TENT5D: variants seen among roughly 807,000 people sequenced by gnomAD.
The protein encoded by TENT5D is terminal nucleotidyltransferase 5D.
For synonymous variants in TENT5D, 103 were observed against 100.6 expected (o/e 1.02, Z -0.15); for missense variants, 191 against 287.0 (o/e 0.67, Z 2.42).
intron 3 of TENT5D, among the ~76,000 whole-genome samples, chrX:80,357,077 C>A (rs917451285): frequency 1.8e-5 from 2 of 111,505 alleles, no homozygotes; most frequent in Non-Finnish European, 3.8e-5. Context: ...CATGTCCCTA[C>A]AAAGGACATG....
At chrX:80,420,907 A>G (rs909678323) in intron 1 of TENT5D, among the ~76,000 whole-genome samples, 2 of 112,191 alleles carry the variant, frequency 1.8e-5, no homozygotes, top group African/African-American at 6.5e-5. Flanking sequence ...CCTACGTCCT[A>G]CATTAATTGA....
chrX:80,374,395 T>C (rs2147527891), intron 3 of TENT5D, among the ~76,000 whole-genome samples: 1 of 111,572 alleles, frequency 9.0e-6, no homozygotes, highest in African/African-American at 3.3e-5. Context: ...AGTTGTGTTC[T>C]TAGGTTTTTG....
chrX:80,402,827 T>G (rs1178724402), intron 3 of TENT5D, among the ~76,000 whole-genome samples: 1 of 112,248 alleles, frequency 8.9e-6, no homozygotes, highest in Non-Finnish European at 1.9e-5. Context: ...TAGAATATTA[T>G]GTGTGTACTT....
At chrX:80,388,388 A>T (rs1368196769) in intron 3 of TENT5D, among the ~76,000 whole-genome samples, 1 of 112,069 alleles carries the variant, frequency 8.9e-6, no homozygotes, top group African/African-American at 3.2e-5. Flanking sequence ...CGCAAGGCCC[A>T]TGATGTGTAC....
intron 3 of TENT5D, among the ~76,000 whole-genome samples, chrX:80,405,714 C>G (rs1931474823): frequency 8.9e-6 from 1 of 112,250 alleles, no homozygotes; most frequent in South Asian, 3.7e-4. Flanking sequence ...CTTAGGTAAA[C>G]AAAGCAGCAG....
At chrX:80,411,551 CTTTACA>C (rs1393912798) in intron 3 of TENT5D, among the ~76,000 whole-genome samples, 1 of 111,750 alleles carries the variant, frequency 8.9e-6, no homozygotes, top group Non-Finnish European at 1.9e-5. Flanking sequence ...TTATAACTTA[CTTTACA>C]TTGTTCTTAT....
At chrX:80,373,508 C>T (rs933700879) in intron 3 of TENT5D, among the ~76,000 whole-genome samples, 2 of 111,506 alleles carry the variant, frequency 1.8e-5, no homozygotes, top group Non-Finnish European at 3.8e-5. Context: ...AGCGTCATTT[C>T]CATTGTTCTT....
At position 80,410,845 on chromosome X, in the gene TENT5D, A is replaced by G. The variant is rs769639183; in HGVS notation, c.-141-27765A>G. On this transcript the variant is annotated intron_variant, in intron 3 of 4. Transcript: ENST00000538312. ...AATAGCAAAGACTTGGAACCAACCC[A>G]AATGTCCAACAATGATAGACTGGAT... is the stretch of plus-strand genomic sequence containing the variant. Among the ~76,000 whole-genome samples the G allele has an allele frequency of 8.4e-5, 9 of 107,460 alleles. 1 individual carries two copies. The highest frequency in any genetic ancestry group is 8.0e-4 in the Admixed American group (8 of 10,052). 93.3% of individuals were successfully genotyped at this position (107,460 alleles called of 115,157 possible).
At position 80,427,602 on chromosome X, in the gene TENT5D, A is replaced by G. The variant is rs1932010054; in HGVS notation, c.-142+7039A>G. Among the ~76,000 whole-genome samples, 5 of 111,830 alleles carry G rather than the reference A, an allele frequency of 4.5e-5. No individual in the cohort carries two copies. In the South Asian group the frequency reaches 1.9e-3, roughly 41 times the overall value. ...ATTAATTAGAGCTCTTCTTAAATAGACATTACACACACAACACATGTATAA... is the reference window on the plus strand; with the variant it reads ...ATTAATTAGAGCTCTTCTTAAATAGGCATTACACACACAACACATGTATAA... On this transcript the variant is annotated intron_variant, in intron 1 of 2. Transcript: ENST00000308293.
At chrX:80,414,132 C>T (rs1931723441) in intron 3 of TENT5D, among the ~76,000 whole-genome samples, 1 of 111,861 alleles carries the variant, frequency 8.9e-6, no homozygotes, top group African/African-American at 3.3e-5. Flanking sequence ...GAAGGAGTTA[C>T]CTGCCTTCCA....
chrX:80,399,167 A>C (rs957966489), intron 3 of TENT5D, among the ~76,000 whole-genome samples: 2 of 111,740 alleles, frequency 1.8e-5, no homozygotes, highest in Non-Finnish European at 3.8e-5. Context: ...TTGGGGATCA[A>C]ATGTAGAAGA....
At chrX:80,411,593 T>A (rs1931668174) in intron 3 of TENT5D, among the ~76,000 whole-genome samples, 1 of 112,225 alleles carries the variant, frequency 8.9e-6, no homozygotes, top group Admixed American at 9.5e-5. Flanking sequence ...ACATAATTTT[T>A]AAAATAACTT....
chrX:80,357,320 C>G (rs1475740134), intron 3 of TENT5D, among the ~76,000 whole-genome samples: 1 of 109,150 alleles, frequency 9.2e-6, no homozygotes, highest in Non-Finnish European at 1.9e-5. Context: ...AGTTCTAGAT[C>G]CCTGAGGAAT....
chrX:80,411,866 C>T (rs902987385), intron 3 of TENT5D, among the ~76,000 whole-genome samples: 6 of 111,802 alleles, frequency 5.4e-5, no homozygotes, highest in African/African-American at 2.0e-4. Context: ...GTGCAAACTG[C>T]CAGTGGAGCT....
rs201021479 is a variant in TENT5D at position 80,377,865 on chromosome X, G to A, written c.-142+35301G>A. Among the ~76,000 whole-genome samples, 22 of 111,802 alleles carry A rather than the reference G, an allele frequency of 2.0e-4. No individual in the cohort carries two copies. The East Asian group carries it at 4.5e-3, about 23-fold the overall frequency. Reference sequence around the variant, plus strand: ...ACACTCCCACCAACAGTGTAAAAGCGTTCCTATTTCTCCACATCCTCAGCA... The same window carrying A: ...ACACTCCCACCAACAGTGTAAAAGCATTCCTATTTCTCCACATCCTCAGCA... On this transcript the variant is annotated intron_variant, in intron 3 of 4. Transcript: ENST00000538312.
At chrX:80,422,973 T>C (rs1206980456) in intron 1 of TENT5D, among the ~76,000 whole-genome samples, 1 of 112,021 alleles carries the variant, frequency 8.9e-6, no homozygotes, top group Non-Finnish European at 1.9e-5. Context: ...AATGGCATTT[T>C]GGTCTCACTA....
intron 3 of TENT5D, among the ~76,000 whole-genome samples, chrX:80,397,577 G>T (rs1931302616): frequency 8.9e-6 from 1 of 111,929 alleles, no homozygotes; most frequent in Admixed American, 9.4e-5. Flanking sequence ...GCCAAGGCAG[G>T]TGGCTGGGAG....
At chrX:80,360,226 A>G (rs914505641) in intron 3 of TENT5D, among the ~76,000 whole-genome samples, 3 of 112,261 alleles carry the variant, frequency 2.7e-5, no homozygotes, top group Non-Finnish European at 5.6e-5. Context: ...GAACTAGACA[A>G]TTTATAATTT....
chrX:80,372,372 A>G (rs1930638878), intron 3 of TENT5D, among the ~76,000 whole-genome samples: 1 of 111,720 alleles, frequency 9.0e-6, no homozygotes, highest in Non-Finnish European at 1.9e-5. Flanking sequence ...CATTTTGTGT[A>G]TTTATTTTTG....
Sources: gnomAD v4.1 joint callset for allele counts (sites outside exome capture counted in the v4.1 genomes callset) on GRCh38, gnomAD v4.1.1 for gene constraint, MANE v1.5 for transcripts, NCBI Gene and HGNC (gene_info 2026-07-23, HGNC 2026-07-21) for gene names.